HOMER2: variants seen among roughly 807,000 people sequenced by gnomAD.
HOMER2 encodes homer scaffold protein 2, also known as homer protein homolog 2.
A neutral mutation model predicts 47.0 loss-of-function variants in HOMER2; 27 were observed. That is an observed-to-expected ratio of 0.57 (90% CI 0.42 to 0.79). The LOEUF is 0.79. HOMER2 is among the 30% of genes least tolerant of loss of function. The probability of loss-of-function intolerance (pLI) is 0.00; values close to 1 mark genes in which losing one functional copy is unlikely to be tolerated. For synonymous variants in HOMER2, 161 were observed against 163.8 expected (o/e 0.98, Z 0.13); for missense variants, 443 against 435.0 (o/e 1.02, Z -0.16).
At position 82,881,388 on chromosome 15, in the gene HOMER2, A is replaced by G. The variant is rs529307262; in HGVS notation, c.163-5984T>C. Among the ~76,000 whole-genome samples, 4 of 152,332 alleles carry G rather than the reference A, an allele frequency of 2.6e-5. No individual in the cohort carries two copies. The South Asian group carries it at 8.3e-4, about 32-fold the overall frequency. On this transcript the variant is annotated intron_variant, in intron 2 of 8. Transcript: ENST00000450735. Reference sequence around the variant, plus strand: ...TTCATGAGAAGTCTTTCCCAAATCCAGGGAGATGAAGTTGGATGAACCTGG... The same window carrying G: ...TTCATGAGAAGTCTTTCCCAAATCCGGGGAGATGAAGTTGGATGAACCTGG...
At chr15:82,916,160 A>G (rs1056327046) in intron 1 of HOMER2, among the ~76,000 whole-genome samples, 1 of 152,234 alleles carries the variant, frequency 6.6e-6, no homozygotes, top group African/African-American at 2.4e-5. Flanking sequence ...ATGGGGGGAA[A>G]CAAAGAATTC....
At chr15:82,984,629 G>T (rs913346719) in intron 1 of HOMER2, among the ~76,000 whole-genome samples, 3 of 152,042 alleles carry the variant, frequency 2.0e-5, no homozygotes, top group Non-Finnish European at 4.4e-5. Context: ...ACCAGACTGG[G>T]CAATACTGCA....
intron 3 of HOMER2, among the ~76,000 whole-genome samples, chr15:82,865,543 G>T (rs184657392): frequency 2.6e-5 from 4 of 152,296 alleles, no homozygotes; most frequent in Admixed American, 2.0e-4. Context: ...CTAAGAAAAA[G>T]ATTTTGTTTA....
At chr15:82,944,608 A>G (rs79988298) in intron 1 of HOMER2, among the ~76,000 whole-genome samples, 3,421 of 152,296 alleles carry the variant, frequency 0.022, 52 homozygotes, top group East Asian at 0.094. Context: ...AAAGGTGAAG[A>G]AGGTTTTTCT....
At chr15:82,879,200 C>T (rs2052445690) in intron 2 of HOMER2, among the ~76,000 whole-genome samples, 1 of 152,186 alleles carries the variant, frequency 6.6e-6, no homozygotes, top group Non-Finnish European at 1.5e-5. Context: ...CCCTCTGTTT[C>T]CTTGAATATA....
At chr15:82,975,728 T>C (rs914216421) in intron 1 of HOMER2, among the ~76,000 whole-genome samples, 2 of 152,168 alleles carry the variant, frequency 1.3e-5, no homozygotes, top group Admixed American at 6.5e-5. Context: ...GGTAGTGGCA[T>C]GGTAGGAAGG....
At chr15:82,898,242 A>G (rs1260261330) in intron 1 of HOMER2, 2 of 152,238 alleles carry the variant, frequency 1.3e-5, no homozygotes, top group Non-Finnish European at 1.5e-5. Context: ...GAGAAAGCAA[A>G]AGAGCTAGAA....
At chr15:82,909,378 T>A (rs773741794) in intron 1 of HOMER2, among the ~76,000 whole-genome samples, 1 of 152,204 alleles carries the variant, frequency 6.6e-6, no homozygotes, top group Non-Finnish European at 1.5e-5. Context: ...GTCTTTCCCC[T>A]GTTGGCTAGG....
chr15:82,983,527 T>C (rs1299806287), intron 1 of HOMER2, among the ~76,000 whole-genome samples: 1 of 152,168 alleles, frequency 6.6e-6, no homozygotes, highest in Non-Finnish European at 1.5e-5. Flanking sequence ...ACCTTATGGA[T>C]ATTCCTTTTC....
chr15:82,970,027 G>A (rs1214289421), intron 1 of HOMER2, among the ~76,000 whole-genome samples: 1 of 152,208 alleles, frequency 6.6e-6, no homozygotes, highest in Non-Finnish European at 1.5e-5. Flanking sequence ...ATTATCATGT[G>A]GAAAATAACT....
At chr15:82,844,406 CAT>C (rs1479092476), downstream of HOMER2, 1 of 152,072 alleles carries the variant, frequency 6.6e-6, no homozygotes, top group Non-Finnish European at 1.5e-5. Flanking sequence ...GTACAACCTA[CAT>C]AGAGGTTAAA....
At chr15:82,934,696 G>T (rs1879995095) in intron 1 of HOMER2, among the ~76,000 whole-genome samples, 1 of 152,092 alleles carries the variant, frequency 6.6e-6, no homozygotes, top group Non-Finnish European at 1.5e-5. Flanking sequence ...GATGCCTTCT[G>T]CCACCTGCTT....
chr15:82,903,258 T>G (rs2053183181), intron 1 of HOMER2, among the ~76,000 whole-genome samples: 1 of 152,050 alleles, frequency 6.6e-6, no homozygotes, highest in Non-Finnish European at 1.5e-5. Context: ...CAAAATGGCG[T>G]CGGGAGCATT....
chr15:82,986,134 C>G, upstream of HOMER2: 1 of 983,770 alleles, frequency 1.0e-6, no homozygotes, highest in Non-Finnish European at 1.2e-6. Flanking sequence ...TGTTGCAAAG[C>G]GATCCACACG....
At chr15:82,937,934 A>G (rs1385502667) in intron 1 of HOMER2, among the ~76,000 whole-genome samples, 1 of 152,050 alleles carries the variant, frequency 6.6e-6, no homozygotes, top group African/African-American at 2.4e-5. Flanking sequence ...TCAATCTTCA[A>G]CCGGTCCCTG....
upstream of HOMER2, among the ~76,000 whole-genome samples, chr15:82,954,698 C>T (rs1046822370): frequency 5.3e-5 from 8 of 152,008 alleles, no homozygotes; most frequent in African/African-American, 1.9e-4. Context: ...ATAGGTATAT[C>T]GATATAAAAT....
chr15:82,939,156 C>T (rs541400706), intron 1 of HOMER2, among the ~76,000 whole-genome samples: 30 of 152,278 alleles, frequency 2.0e-4, no homozygotes, highest in African/African-American at 6.3e-4. Context: ...TCACCATATC[C>T]GCCCAAAACT....
chr15:82,837,400 C>CA (rs1218941478), exon 2 of HOMER2: 1 of 152,204 alleles, frequency 6.6e-6, no homozygotes, highest in Non-Finnish European at 1.5e-5. Flanking sequence ...TTTCCAGGCC[C>CA]AGAATGCAAG....
chr15:82,944,474 A>T (rs915962136), intron 1 of HOMER2, among the ~76,000 whole-genome samples: 34 of 152,238 alleles, frequency 2.2e-4, no homozygotes, highest in African/African-American at 8.2e-4. Context: ...CCTGGGGGGA[A>T]AAAACAAAGT....
Sources: gnomAD v4.1 joint callset for allele counts (sites outside exome capture counted in the v4.1 genomes callset) on GRCh38, gnomAD v4.1.1 for gene constraint, MANE v1.5 for transcripts, NCBI Gene and HGNC (gene_info 2026-07-23, HGNC 2026-07-21) for gene names.